The following PRKD1 variants were observed in gnomAD, a reference collection of about 807,000 sequenced individuals.
The protein encoded by PRKD1 is serine/threonine-protein kinase D1.
In PRKD1, 63 loss-of-function variants were observed where a neutral mutation model predicts 95.9. The ratio of observed to expected loss-of-function variants is 0.66; its 90% confidence interval spans 0.54 to 0.81. The LOEUF is 0.81. PRKD1 is among the 30% of genes least tolerant of loss of function. The pLI, the probability that PRKD1 is intolerant of heterozygous loss-of-function variation, is 0.00. For missense variants in PRKD1, 1,048 were observed against 1,165.3 expected (o/e 0.90, Z 1.47); for synonymous variants, 425 against 423.1 (o/e 1.00, Z -0.05).
intron 4 of PRKD1, among the ~76,000 whole-genome samples, chr14:29,644,282 C>T (rs1370908368): frequency 2.6e-5 from 4 of 152,180 alleles, no homozygotes; most frequent in East Asian, 1.9e-4. Flanking sequence ...TACTTGTCTG[C>T]CTGCTCCTTG....
At chr14:29,842,841 C>T (rs574986283) in intron 1 of PRKD1, among the ~76,000 whole-genome samples, 1 of 152,118 alleles carries the variant, frequency 6.6e-6, no homozygotes, top group Admixed American at 6.5e-5. Context: ...GGAGTATGGA[C>T]CAGGCAGAGG....
chr14:29,779,498 T>A (rs12880161), intron 1 of PRKD1, among the ~76,000 whole-genome samples: 1 of 151,252 alleles, frequency 6.6e-6, no homozygotes, highest in Non-Finnish European at 1.5e-5. Flanking sequence ...CAATAACGGA[T>A]AAACAGAGAG....
At chr14:29,889,867 C>A (rs962232453) in intron 1 of PRKD1, among the ~76,000 whole-genome samples, 11 of 152,132 alleles carry the variant, frequency 7.2e-5, no homozygotes, top group African/African-American at 2.7e-4. Flanking sequence ...GCATGTGTAC[C>A]CTAGAACTTA....
At position 29,710,494 on chromosome 14, in the gene PRKD1, G is replaced by A. The variant is rs1384525066; in HGVS notation, c.403+15042C>T. 7.9e-5 allele frequency among the ~76,000 whole-genome samples: 12 copies of A among 152,152 alleles called. No homozygotes were observed. In the East Asian group the frequency reaches 2.3e-3, roughly 29 times the overall value. ...ACCCAGATTGGTGACCATTCTACAG[G>A]ATACCTGGCCTGTATTACTCAAGAT... On this transcript the variant is annotated intron_variant, in intron 2 of 17. Transcript: ENST00000331968.
intron 1 of PRKD1, among the ~76,000 whole-genome samples, chr14:29,790,591 C>A (rs1889500012): frequency 1.3e-5 from 2 of 152,118 alleles, no homozygotes; most frequent in Admixed American, 1.3e-4. Flanking sequence ...AGTTTTTAAT[C>A]TCATTGCTCA....
chr14:29,856,452 T>C (rs1486998134), intron 1 of PRKD1, among the ~76,000 whole-genome samples: 1 of 152,198 alleles, frequency 6.6e-6, no homozygotes, highest in Non-Finnish European at 1.5e-5. Flanking sequence ...GATTTCTCAC[T>C]AGGTATTTTT....
At chr14:29,814,158 A>C (rs2139251097) in intron 1 of PRKD1, among the ~76,000 whole-genome samples, 1 of 152,328 alleles carries the variant, frequency 6.6e-6, no homozygotes, top group East Asian at 1.9e-4. Context: ...TTAAAGTTAA[A>C]ATATCAAGGT....
At chr14:29,854,784 G>C (rs986888872) in intron 1 of PRKD1, among the ~76,000 whole-genome samples, 4 of 152,198 alleles carry the variant, frequency 2.6e-5, no homozygotes, top group Non-Finnish European at 5.9e-5. Context: ...GCTGAGTCCA[G>C]GGTCTCCATG....
At chr14:29,753,274 A>G (rs983024766) in intron 1 of PRKD1, among the ~76,000 whole-genome samples, 1 of 152,164 alleles carries the variant, frequency 6.6e-6, no homozygotes, top group African/African-American at 2.4e-5. Context: ...TTACTATGTC[A>G]TAATGAGTAT....
intron 2 of PRKD1, among the ~76,000 whole-genome samples, chr14:29,689,711 T>G (rs1884119107): frequency 6.6e-6 from 1 of 152,020 alleles, no homozygotes; most frequent in Non-Finnish European, 1.5e-5. Flanking sequence ...TAGCAAGACA[T>G]GGAATCAACA....
intron 1 of PRKD1, among the ~76,000 whole-genome samples, chr14:29,818,708 T>C (rs1269508621): frequency 2.0e-5 from 3 of 152,084 alleles, no homozygotes; most frequent in African/African-American, 4.8e-5. Context: ...AGTTATTTTA[T>C]TTCTCCTTGC....
intron 1 of PRKD1, among the ~76,000 whole-genome samples, chr14:29,729,722 T>G (rs1158161407): frequency 6.6e-6 from 1 of 152,082 alleles, no homozygotes; most frequent in Non-Finnish European, 1.5e-5. Flanking sequence ...TCCTAGATTC[T>G]TATAGTGGAA....
intron 13 of PRKD1, among the ~76,000 whole-genome samples, chr14:29,607,147 T>C (rs944436917): frequency 2.0e-5 from 3 of 152,204 alleles, no homozygotes; most frequent in Non-Finnish European, 2.9e-5. Context: ...TAAAAATGAT[T>C]TGGGCCCAAT....
intron 14 of PRKD1, 37 bp from the exon 15 acceptor site, chr14:29,599,162 A>G: frequency 6.4e-7 from 1 of 1,557,410 alleles, no homozygotes; most frequent in Non-Finnish European, 8.8e-7. Context: ...ATTCCAGTTT[A>G]TTAATTTCAA....
rs79101675 is a variant in PRKD1 at position 29,799,491 on chromosome 14, G to A, written c.265-73817C>T. 6.3e-3 allele frequency among the ~76,000 whole-genome samples: 958 copies of A among 152,288 alleles called. 3 individuals carry two copies. Among genetic ancestry groups the A allele is most frequent in the African/African-American group, 0.022 (899 of 41,558 alleles). On this transcript the variant is annotated intron_variant, in intron 1 of 17. Transcript: ENST00000331968. The stretch of plus-strand genomic sequence containing the variant: ...TTAAAGTTTTGTTATTTATAGCACA[G>A]ATTTTCTTCTAAAAGGCTGCAATAG...
intron 1 of PRKD1, among the ~76,000 whole-genome samples, chr14:29,911,902 G>A (rs61979989): frequency 6.0e-4 from 92 of 152,200 alleles, no homozygotes; most frequent in Non-Finnish European, 1.2e-3. Context: ...GCTACTCCTC[G>A]AATAATTCCA....
intron 1 of PRKD1, among the ~76,000 whole-genome samples, chr14:29,823,495 T>G (rs998458829): frequency 6.6e-6 from 1 of 152,210 alleles, no homozygotes; most frequent in Admixed American, 6.5e-5. Context: ...TAAAATATCC[T>G]GGGTCCTGAC....
At chr14:29,776,812 C>T (rs201839165) in intron 1 of PRKD1, among the ~76,000 whole-genome samples, 2 of 152,068 alleles carry the variant, frequency 1.3e-5, no homozygotes, top group Admixed American at 6.6e-5. Flanking sequence ...AGACAATCCT[C>T]GAGAAGAGCA....
At chr14:29,865,527 T>C (rs1230630253) in intron 1 of PRKD1, among the ~76,000 whole-genome samples, 3 of 152,126 alleles carry the variant, frequency 2.0e-5, no homozygotes, top group Admixed American at 6.6e-5. Context: ...TGGCTTGTTA[T>C]AAAAAGCAAG....
Sources: allele counts gnomAD v4.1 joint callset (sites outside exome capture counted in the v4.1 genomes callset), GRCh38; gene constraint gnomAD v4.1.1; transcripts MANE v1.5; gene names NCBI Gene and HGNC (gene_info 2026-07-23, HGNC 2026-07-21).